The following TIAM2 variants were observed in gnomAD, a reference collection of about 807,000 sequenced individuals.
TIAM2 encodes TIAM Rac1 associated GEF 2.
TIAM2 carries 80 observed loss-of-function variants against 152.9 expected under a neutral mutation model. That is an observed-to-expected ratio of 0.52 (90% CI 0.44 to 0.63). The LOEUF (loss-of-function observed/expected upper bound fraction) is 0.63, where lower values mean the gene tolerates loss of function less well. Among genes scored for constraint, TIAM2 ranks in the 30% least tolerant of loss-of-function variants. The pLI is 0.00. For synonymous variants in TIAM2, 804 were observed against 838.0 expected, an observed-to-expected ratio of 0.96 and a Z score of 0.70; for missense variants, 1,965 against 2,120.1, an observed-to-expected ratio of 0.93 and a Z score of 1.44.
rs544291249 is a variant in TIAM2, at chr6:155,027,210, G to C, written c.-209+31718G>C. Among the ~76,000 whole-genome samples the C allele has an allele frequency of 1.1e-3, 168 of 151,552 alleles. 1 individual carries two copies. Among genetic ancestry groups the C allele is most frequent in the Non-Finnish European group, 1.9e-3 (132 of 67,922 alleles). ...CCCAGCTAATTTTTCTGTTTTAATA[G>C]AGACGGGGTTTCACCATGTTGGCCA... is the stretch of plus-strand genomic sequence containing the variant. On this transcript the variant is annotated intron_variant, in intron 1 of 26. Transcript: ENST00000682666.
chr6:155,179,218 T>G (rs2115135193), intron 11 of TIAM2, 75 bp downstream of exon 11: 16 of 1,497,558 alleles, frequency 1.1e-5, no homozygotes, highest in Non-Finnish European at 1.5e-5. Context: ...ATGTCATTTT[T>G]GGGGAAAATT....
At chr6:155,057,564 T>G (rs1464953081) in intron 1 of TIAM2, among the ~76,000 whole-genome samples, 1 of 130,968 alleles carries the variant, frequency 7.6e-6, no homozygotes, top group African/African-American at 2.9e-5. Context: ...TTTTTTTTTT[T>G]GAGACAGAGG....
At chr6:155,143,216 A>G (rs151006159) in intron 5 of TIAM2, among the ~76,000 whole-genome samples, 46 of 152,352 alleles carry the variant, frequency 3.0e-4, no homozygotes, top group African/African-American at 1.1e-3. Flanking sequence ...TTGAGGGGAT[A>G]GTTAACCTAT....
chr6:155,027,184 G>A (rs981859011), intron 1 of TIAM2, among the ~76,000 whole-genome samples: 114 of 151,470 alleles, frequency 7.5e-4, no homozygotes, highest in African/African-American at 2.7e-3. Flanking sequence ...ATGCCACCAT[G>A]CCCAGCTAAT....
At chr6:155,067,654 AT>A (rs1288031243) in intron 1 of TIAM2, among the ~76,000 whole-genome samples, 1 of 151,850 alleles carries the variant, frequency 6.6e-6, no homozygotes, top group Non-Finnish European at 1.5e-5. Context: ...GATGATGATG[AT>A]TTTGAGACAG....
chr6:155,171,384 A>C (rs1780583513), intron 9 of TIAM2, among the ~76,000 whole-genome samples: 1 of 152,262 alleles, frequency 6.6e-6, no homozygotes, highest in African/African-American at 2.4e-5. Flanking sequence ...TTGTGACAAC[A>C]AAGTCCCCAC....
intron 1 of TIAM2, among the ~76,000 whole-genome samples, chr6:155,072,534 G>C (rs1045533145): frequency 6.6e-6 from 1 of 152,146 alleles, no homozygotes; most frequent in African/African-American, 2.4e-5. Context: ...CATTATCCTG[G>C]TTTGGATGCA....
intron 1 of TIAM2, among the ~76,000 whole-genome samples, chr6:155,084,988 G>A (rs1464162171): frequency 1.3e-5 from 2 of 152,068 alleles, no homozygotes; most frequent in Non-Finnish European, 2.9e-5. Flanking sequence ...AATCTCTACG[G>A]GCCCTGAGTG....
At chr6:155,078,368 AG>A (rs1777999044) in intron 1 of TIAM2, among the ~76,000 whole-genome samples, 1 of 152,138 alleles carries the variant, frequency 6.6e-6, no homozygotes, top group South Asian at 2.1e-4. Context: ...TAATGAAAAA[AG>A]CACAAGTGAC....
chr6:155,034,511 T>C (rs1400607940), intron 1 of TIAM2, among the ~76,000 whole-genome samples: 1 of 152,206 alleles, frequency 6.6e-6, no homozygotes, highest in East Asian at 1.9e-4. Context: ...CACCTTGGCC[T>C]CCCAAAGTGC....
At chr6:155,117,911 T>G (rs1242651448) in intron 2 of TIAM2, among the ~76,000 whole-genome samples, 7 of 152,208 alleles carry the variant, frequency 4.6e-5, no homozygotes, top group Non-Finnish European at 7.3e-5. Context: ...CTCCAAACAT[T>G]CATGTCGAAT....
intron 2 of TIAM2, among the ~76,000 whole-genome samples, chr6:155,091,171 A>C (rs1366385596): frequency 3.9e-5 from 6 of 152,124 alleles, no homozygotes; most frequent in Non-Finnish European, 2.9e-5. Flanking sequence ...CCTCTGAAGG[A>C]CGCTGACCAC....
intron 6 of TIAM2, among the ~76,000 whole-genome samples, chr6:155,145,391 C>A (rs868465071): frequency 6.6e-6 from 1 of 152,060 alleles, no homozygotes; most frequent in South Asian, 2.1e-4. Flanking sequence ...CCTTTGTTAG[C>A]GTTGAGTTTG....
intron 9 of TIAM2, among the ~76,000 whole-genome samples, chr6:155,169,694 C>A (rs1173071702): frequency 1.3e-5 from 2 of 152,180 alleles, no homozygotes; most frequent in East Asian, 3.9e-4. Context: ...CAAACAAATC[C>A]TCAGAATGAT....
intron 1 of TIAM2, among the ~76,000 whole-genome samples, chr6:155,082,693 T>TAAATAAATAAAC (rs2114968789): frequency 6.6e-6 from 1 of 151,482 alleles, no homozygotes; most frequent in African/African-American, 2.4e-5. Flanking sequence ...AATAAATAAA[T>TAAATAAATAAAC]AAATAAATAA....
At chr6:155,128,697 T>TAA (rs11368126) in intron 3 of TIAM2, among the ~76,000 whole-genome samples, 2 of 140,696 alleles carry the variant, frequency 1.4e-5, no homozygotes, top group African/African-American at 2.6e-5. Context: ...CCCATATCTT[T>TAA]AAAAAAAAAA....
intron 15 of TIAM2, among the ~76,000 whole-genome samples, chr6:155,238,423 T>A (rs2115301422): frequency 6.6e-6 from 1 of 152,346 alleles, no homozygotes; most frequent in African/African-American, 2.4e-5. Flanking sequence ...GCTCTGAAGT[T>A]GCCTCCACGT....
rs537291859 is a variant in TIAM2 at position 155,061,142 on chromosome 6, A to G, written c.-208-29147A>G. 2.0e-5 allele frequency among the ~76,000 whole-genome samples: 3 copies of G among 152,316 alleles called. No individual in the cohort carries two copies. In the East Asian group the frequency reaches 5.8e-4, roughly 29 times the overall value. On this transcript the variant is annotated intron_variant, in intron 1 of 26. Coordinates refer to ENST00000682666, the MANE Select transcript of TIAM2 (RefSeq NM_012454.4). ...TTACTACGTCTTCTAGGCCCTCTCA[A>G]TGAATAGAGCTAGGAAGTTTTTGTA...
chr6:155,024,624 A>G (rs933867941), intron 1 of TIAM2, among the ~76,000 whole-genome samples: 1 of 148,412 alleles, frequency 6.7e-6, no homozygotes, highest in Non-Finnish European at 1.5e-5. Context: ...ATATAGGGAC[A>G]CTCAAATGTG....
Sources: allele counts gnomAD v4.1 joint callset (sites outside exome capture counted in the v4.1 genomes callset), GRCh38; gene constraint gnomAD v4.1.1; transcripts MANE v1.5; gene names NCBI Gene and HGNC (gene_info 2026-07-23, HGNC 2026-07-21).